The following PDS5A variants were observed in gnomAD, a reference collection of about 807,000 sequenced individuals.
The protein encoded by PDS5A is PDS5 cohesin associated factor A, also known as sister chromatid cohesion protein PDS5 homolog A.
In PDS5A, 42 loss-of-function variants were observed where a neutral mutation model predicts 167.1. The observed-to-expected ratio is 0.25, with a 90% CI of 0.20 to 0.33. The LOEUF is 0.33. PDS5A is among the 10% of genes least tolerant of loss of function. The probability of loss-of-function intolerance (pLI) is 1.00; values close to 1 mark genes in which losing one functional copy is unlikely to be tolerated. For missense variants in PDS5A, 1,033 were observed against 1,605.9 expected, an observed-to-expected ratio of 0.64 and a Z score of 6.10; for synonymous variants, 553 against 554.6, an observed-to-expected ratio of 1.00 and a Z score of 0.04.
intron 3 of PDS5A, among the ~76,000 whole-genome samples, chr4:39,927,323 C>T (rs1358438588): frequency 6.6e-6 from 1 of 152,072 alleles, no homozygotes; most frequent in Non-Finnish European, 1.5e-5. Context: ...ACAGACTAGT[C>T]CAATGGTTCT....
intron 19 of PDS5A, among the ~76,000 whole-genome samples, chr4:39,876,105 G>A (rs919590762): frequency 6.6e-6 from 1 of 151,882 alleles, no homozygotes. Flanking sequence ...TGTGTCCTTT[G>A]GGGTAGAATT....
intron 18 of PDS5A, among the ~76,000 whole-genome samples, chr4:39,878,410 A>G (rs1339957660): frequency 2.0e-5 from 3 of 152,116 alleles, no homozygotes; most frequent in Non-Finnish European, 4.4e-5. Flanking sequence ...CCTGGCTAAC[A>G]TGGTGAAACC....
At chr4:39,915,343 ATTTT>A (rs3070904) in intron 8 of PDS5A, among the ~76,000 whole-genome samples, 1 of 88,724 alleles carries the variant, frequency 1.1e-5, no homozygotes, top group African/African-American at 4.8e-5. Flanking sequence ...AACCGGCCTG[ATTTT>A]TTTTTTTTTT....
chr4:39,932,460 C>A, intron 2 of PDS5A: 1 of 219,022 alleles, frequency 4.6e-6, no homozygotes, highest in South Asian at 9.0e-5. Context: ...TACACACAAC[C>A]AAGGGGAGAA....
At chr4:39,872,187 T>C (rs1329938147) in intron 21 of PDS5A, among the ~76,000 whole-genome samples, 2 of 149,716 alleles carry the variant, frequency 1.3e-5, no homozygotes, top group African/African-American at 2.5e-5. Context: ...TTTTTTTTTT[T>C]TTTTTTGAGA....
intron 22 of PDS5A, among the ~76,000 whole-genome samples, chr4:39,867,855 A>G (rs1719687471): frequency 6.6e-6 from 1 of 152,124 alleles, no homozygotes; most frequent in Admixed American, 6.5e-5. Flanking sequence ...ACTTTGAAGA[A>G]ACCATCAAGT....
chr4:39,902,453 C>G lies in PDS5A; in HGVS notation c.1393G>C (p.Val465Leu). Residue 465 changes from valine (V) to leucine (L), a missense_variant, in exon 13 of 33, where the codon GTA becomes CTA. This residue lies in a region of PDS5A where 388 missense variants were observed against 615.1 expected (regional missense o/e 0.63). Coordinates refer to ENST00000303538, the MANE Select transcript of PDS5A (RefSeq NM_001100399.2). ...YQNSIDDKLL[V>L]EKIFAQYLVP... Reference sequence around the variant, plus strand: ...AGATACTGAGCAAAGATTTTCTCTACCAACAGTCTAGGAAATAACAACAAC... The same window carrying G: ...AGATACTGAGCAAAGATTTTCTCTAGCAACAGTCTAGGAAATAACAACAAC... 1 of 1,503,886 alleles carries G rather than the reference C, an allele frequency of 6.6e-7. No homozygotes were observed. The highest frequency in any genetic ancestry group is 1.2e-5 in the South Asian group (1 of 83,338). The allele number at this position is 1,503,886 out of a possible 1,614,324, so 93.2% of individuals were successfully genotyped here. A position where few individuals can be genotyped will look rare whatever the true frequency, so the allele number is the denominator to read the frequency against.
At chr4:39,864,209 T>C (rs984644618) in intron 23 of PDS5A, among the ~76,000 whole-genome samples, 2 of 151,942 alleles carry the variant, frequency 1.3e-5, no homozygotes, top group Non-Finnish European at 2.9e-5. Context: ...AAATCACCTA[T>C]CATCATTTAA....
intron 2 of PDS5A, among the ~76,000 whole-genome samples, chr4:39,948,273 T>C (rs1055547360): frequency 3.4e-5 from 5 of 148,168 alleles, no homozygotes; most frequent in Non-Finnish European, 6.0e-5. Context: ...AGAATGTTTA[T>C]AGCAGCATTA....
intron 12 of PDS5A, 27 bp from the exon 13 acceptor site, chr4:39,902,487 CCTAAGTGA>C: frequency 8.8e-7 from 1 of 1,139,156 alleles, no homozygotes. Flanking sequence ...ACAAAAAAAA[CCTAAGTGA>C]CACAATTATT....
intron 28 of PDS5A, chr4:39,848,355 A>G (rs1344356309): frequency 6.5e-6 from 1 of 152,698 alleles, no homozygotes; most frequent in African/African-American, 2.4e-5. Context: ...AGTTTGCTGA[A>G]AGCAGAATAG....
At chr4:39,923,650 C>CAAACACACAA (rs546563374) in intron 5 of PDS5A, among the ~76,000 whole-genome samples, 1 of 151,364 alleles carries the variant, frequency 6.6e-6, no homozygotes. Flanking sequence ...CACACACACA[C>CAAACACACAA]ACACACACAC....
intron 21 of PDS5A, among the ~76,000 whole-genome samples, chr4:39,871,011 ATAC>A (rs1391007862): frequency 6.6e-6 from 1 of 152,210 alleles, no homozygotes; most frequent in Non-Finnish European, 1.5e-5. Flanking sequence ...ATTCTGATAC[ATAC>A]TACAACATGG....
At chr4:39,958,506 C>CAA (rs370128527) in intron 2 of PDS5A, among the ~76,000 whole-genome samples, 2,672 of 80,334 alleles carry the variant, frequency 0.033, 88 homozygotes, top group East Asian at 0.19. Flanking sequence ...AACTGTGTCT[C>CAA]AAAAAAAAAA....
At chr4:39,962,086 C>T (rs1050438764) in intron 2 of PDS5A, among the ~76,000 whole-genome samples, 12 of 150,586 alleles carry the variant, frequency 8.0e-5, no homozygotes, top group African/African-American at 2.9e-4. Context: ...GAGACGTAGT[C>T]TCGCTCTGTT....
Position 39,902,433 on chromosome 4 carries a change from C to G in PDS5A, c.1413G>C (p.Gln471His), listed in dbSNP as rs1261898949. ...TTTCCAGGTTGTGGGGGACAAGATA[C>G]TGAGCAAAGATTTTCTCTACCAACA... is the stretch of plus-strand genomic sequence containing the variant. ...DKLLVEKIFA[Q>H]YLVPHNLETE... The change falls in exon 13 of 33, where the codon CAG becomes CAC. Residue 471 changes from glutamine to histidine, a missense_variant. Gln to His is a conservative substitution (Grantham distance 24). This residue lies in a region of PDS5A where 388 missense variants were observed against 615.1 expected (regional missense o/e 0.63). Transcript: ENST00000303538. The G allele has an allele frequency of 6.3e-7, 1 of 1,576,392 alleles. No individual in the cohort carries two copies.
chr4:39,832,275 G>A (rs1188213204), intron 32 of PDS5A, among the ~76,000 whole-genome samples: 2 of 151,248 alleles, frequency 1.3e-5, no homozygotes, highest in Non-Finnish European at 2.9e-5. Context: ...GTGCAGTGGT[G>A]TGATCTCTGC....
intron 2 of PDS5A, among the ~76,000 whole-genome samples, chr4:39,930,490 A>C (rs1560494207): frequency 1.3e-5 from 2 of 151,914 alleles, no homozygotes; most frequent in African/African-American, 2.4e-5. Context: ...ATTTTAATTC[A>C]AGTTTGCATT....
At chr4:39,850,768 G>A (rs1020049350) in intron 26 of PDS5A, among the ~76,000 whole-genome samples, 1 of 152,152 alleles carries the variant, frequency 6.6e-6, no homozygotes, top group South Asian at 2.1e-4. Context: ...TGTCTGAAGG[G>A]AACATTTGAA....
Sources: gnomAD v4.1 joint callset for allele counts (sites outside exome capture counted in the v4.1 genomes callset) on GRCh38, gnomAD v4.1.1 for gene constraint, gnomAD v4.1.1 regional missense constraint, MANE v1.5 for transcripts, NCBI Gene and HGNC (gene_info 2026-07-23, HGNC 2026-07-21) for gene names.